NCKAP5: variants seen among roughly 807,000 people sequenced by gnomAD.
The protein encoded by NCKAP5 is NCK associated protein 5, also known as nck-associated protein 5.
NCKAP5 carries 92 observed loss-of-function variants against 167.0 expected under a neutral mutation model. The ratio of observed to expected loss-of-function variants is 0.55; its 90% CI spans 0.47 to 0.66. The LOEUF (loss-of-function observed/expected upper bound fraction) is 0.66, where lower values mean the gene tolerates loss of function less well. Among genes scored for constraint, NCKAP5 ranks in the 30% least tolerant of loss-of-function variants. NCKAP5 has a pLI of 0.00. For missense variants in NCKAP5, 2,378 were observed against 2,315.0 expected (o/e 1.03, Z -0.56); for synonymous variants, 891 against 877.4 (o/e 1.02, Z -0.27).
At chr2:133,024,114 G>C (rs1028739081) in intron 6 of NCKAP5, among the ~76,000 whole-genome samples, 1 of 152,170 alleles carries the variant, frequency 6.6e-6, no homozygotes. Context: ...AAATAGAATT[G>C]TGTGTACTTC....
At chr2:133,470,091 T>G (rs558819011) in intron 3 of NCKAP5, among the ~76,000 whole-genome samples, 5,185 of 152,184 alleles carry the variant, frequency 0.034, 124 homozygotes, top group Admixed American at 0.08. Context: ...GGTGCTCTGC[T>G]TTTTAGAGTT....
chr2:133,239,169 T>C (rs1453357735), intron 4 of NCKAP5, among the ~76,000 whole-genome samples: 1 of 152,204 alleles, frequency 6.6e-6, no homozygotes, highest in African/African-American at 2.4e-5. Flanking sequence ...TTCTAAAATA[T>C]GTTCACTTAT....
At chr2:133,479,967 T>C (rs189684440) in intron 3 of NCKAP5, among the ~76,000 whole-genome samples, 1,625 of 150,630 alleles carry the variant, frequency 0.011, 15 homozygotes, top group South Asian at 0.025. Flanking sequence ...AGTCCCACTC[T>C]GTCACCCAGG....
chr2:132,936,737 C>T (rs1448130097), intron 8 of NCKAP5, among the ~76,000 whole-genome samples: 2 of 152,204 alleles, frequency 1.3e-5, no homozygotes, highest in Admixed American at 1.3e-4. Context: ...ACAGTAATTA[C>T]TTCTGAGTGG....
chr2:133,314,990 C>T lies in NCKAP5; in HGVS notation c.70-11880G>A, dbSNP rs1012109767. Among the ~76,000 whole-genome samples the T allele has an allele frequency of 3.3e-4, 50 of 152,266 alleles. 2 individuals carry two copies. Among genetic ancestry groups the T allele is most frequent in the Admixed American group, 1.7e-3 (26 of 15,304 alleles). On this transcript the variant is annotated intron_variant, in intron 3 of 19. Transcript: ENST00000409261. ...CATGCTGCAGGAACAGCACAGAGGC[C>T]AGTGTGGCTGGAGTGCAGAGATGGG...
At chr2:133,019,534 C>T (rs1163782089) in intron 6 of NCKAP5, among the ~76,000 whole-genome samples, 1 of 152,184 alleles carries the variant, frequency 6.6e-6, no homozygotes, top group Non-Finnish European at 1.5e-5. Context: ...AACAGGGAAA[C>T]AGTCCTTCAC....
chr2:133,259,938 G>C (rs1222450797), intron 4 of NCKAP5, among the ~76,000 whole-genome samples: 1 of 152,194 alleles, frequency 6.6e-6, no homozygotes, highest in Non-Finnish European at 1.5e-5. Context: ...AGCTGGAAAT[G>C]TCTTGGGGAA....
rs137909254 is a variant in NCKAP5 at position 133,139,820 on chromosome 2, A to T, written c.208-9709T>A. ...ATGACTTCTATAAGCTTCTCAGAAA[A>T]CTAATTCTTCTCAAGTCTTTGAATA... On this transcript the variant is annotated intron_variant, in intron 5 of 19. Transcript: ENST00000409261. Among the ~76,000 whole-genome samples, 444 of 152,262 alleles carry T rather than the reference A, an allele frequency of 2.9e-3. 2 individuals carry two copies. The highest frequency in any genetic ancestry group is 0.01 in the African/African-American group (435 of 41,568).
intron 4 of NCKAP5, among the ~76,000 whole-genome samples, chr2:133,280,736 G>A (rs78712294): frequency 1.3e-5 from 2 of 152,074 alleles, no homozygotes; most frequent in Admixed American, 6.5e-5. Flanking sequence ...GCCAAACCTT[G>A]CCAGTTCTAT....
At chr2:133,268,710 T>C (rs913768768) in intron 4 of NCKAP5, among the ~76,000 whole-genome samples, 1 of 152,158 alleles carries the variant, frequency 6.6e-6, no homozygotes, top group South Asian at 2.1e-4. Flanking sequence ...GACCTCGTGA[T>C]CCGCCCGCCG....
chr2:132,756,119 G>A (rs1236230343), intron 16 of NCKAP5, among the ~76,000 whole-genome samples: 1 of 152,084 alleles, frequency 6.6e-6, no homozygotes, highest in Non-Finnish European at 1.5e-5. Context: ...CAGGCTGTGA[G>A]ACTGTTGCAG....
At chr2:133,437,049 G>A (rs1049919310) in intron 3 of NCKAP5, among the ~76,000 whole-genome samples, 2 of 152,002 alleles carry the variant, frequency 1.3e-5, no homozygotes, top group African/African-American at 4.8e-5. Flanking sequence ...GTTAATTTAT[G>A]TGCTCAAAAA....
chr2:133,410,326 G>A (rs1688697039), intron 3 of NCKAP5, among the ~76,000 whole-genome samples: 1 of 152,160 alleles, frequency 6.6e-6, no homozygotes, highest in African/African-American at 2.4e-5. Flanking sequence ...TGAAATTCAT[G>A]GCCCAAGAAG....
At chr2:133,390,283 G>A (rs531238477) in intron 3 of NCKAP5, among the ~76,000 whole-genome samples, 113 of 152,210 alleles carry the variant, frequency 7.4e-4, no homozygotes, top group African/African-American at 2.6e-3. Context: ...TTTTACAACC[G>A]GAAACTATTT....
chr2:132,883,354 A>T (rs557258947), intron 8 of NCKAP5, among the ~76,000 whole-genome samples: 109 of 152,042 alleles, frequency 7.2e-4, no homozygotes, highest in Non-Finnish European at 9.1e-4. Flanking sequence ...TTGCCAGGGT[A>T]TATCATTTTC....
intron 19 of NCKAP5, among the ~76,000 whole-genome samples, chr2:132,675,496 G>A (rs1684319701): frequency 6.6e-6 from 1 of 152,166 alleles, no homozygotes. Flanking sequence ...ACACCAAGGA[G>A]CTTCCTGGAA....
intron 8 of NCKAP5, among the ~76,000 whole-genome samples, chr2:132,958,157 G>A (rs1194398087): frequency 6.6e-6 from 1 of 152,084 alleles, no homozygotes; most frequent in Middle Eastern, 3.2e-3. Context: ...ACAGGGTTAC[G>A]AACATGAAAA....
At chr2:133,291,064 A>G (rs1679562226) in intron 4 of NCKAP5, among the ~76,000 whole-genome samples, 1 of 152,178 alleles carries the variant, frequency 6.6e-6, no homozygotes, top group Non-Finnish European at 1.5e-5. Context: ...AAGTCTCAAG[A>G]AAAGTGTTTG....
At chr2:133,258,492 A>C (rs1422489749) in intron 4 of NCKAP5, among the ~76,000 whole-genome samples, 1 of 152,196 alleles carries the variant, frequency 6.6e-6, no homozygotes, top group African/African-American at 2.4e-5. Flanking sequence ...CTGAAATCCC[A>C]GCACTTTGGG....
Sources: allele counts gnomAD v4.1 joint callset (sites outside exome capture counted in the v4.1 genomes callset), GRCh38; gene constraint gnomAD v4.1.1; transcripts MANE v1.5; gene names NCBI Gene and HGNC (gene_info 2026-07-23, HGNC 2026-07-21).